The following TSTD2 variants were observed in gnomAD, a reference collection of about 807,000 sequenced individuals.
TSTD2 encodes thiosulfate sulfurtransferase/rhodanese-like domain-containing protein 2.
A neutral mutation model predicts 47.9 loss-of-function variants in TSTD2; 37 were observed. The observed-to-expected ratio is 0.77, with a 90% CI of 0.59 to 1.02. The LOEUF is 1.02. Among genes scored for constraint, TSTD2 ranks in the 50% least tolerant of loss-of-function variants. The pLI is 0.00. For synonymous variants in TSTD2, 201 were observed against 215.9 expected, an observed-to-expected ratio of 0.93 and a Z score of 0.61; for missense variants, 586 against 616.0, an observed-to-expected ratio of 0.95 and a Z score of 0.52.
chr9:97,615,128 C>T (rs964504103), intron 4 of TSTD2, among the ~76,000 whole-genome samples: 7 of 152,174 alleles, frequency 4.6e-5, no homozygotes, highest in Admixed American at 1.3e-4. Flanking sequence ...CACATCTGCT[C>T]CCTATATAGC....
chr9:97,601,642 T>A lies in TSTD2; in HGVS notation c.*827A>T. 2.1e-6 allele frequency: 2 copies of A among 938,122 alleles called. No homozygotes were observed. Among genetic ancestry groups the A allele is most frequent in the African/African-American group, 3.5e-5 (2 of 56,408 alleles). 58.1% of individuals were successfully genotyped at this position (938,122 alleles called of 1,614,324 possible). The stretch of plus-strand genomic sequence containing the variant: ...GCCAGACAGTAAAAATTTCCGATTT[T>A]GCAGGCCACATAGTGTCTGTTGCAA... On this transcript the variant is annotated 3_prime_UTR_variant, in exon 10 of 10. Transcript: ENST00000341170.
In TSTD2 at chr9:97,602,961, G is replaced by A. The variant is rs1237516429; in HGVS notation, c.1253-194C>T. On this transcript the variant is annotated intron_variant, in intron 9 of 9. Transcript: ENST00000341170. Reference sequence around the variant, plus strand: ...CCACCCAGCTTATTTTTTTGTGGGGGTGACTTCTGGTAACTGTCTGCTTCC... The same window carrying A: ...CCACCCAGCTTATTTTTTTGTGGGGATGACTTCTGGTAACTGTCTGCTTCC... 3.2e-5 allele frequency: 17 copies of A among 525,920 alleles called. No individual in the cohort carries two copies. The Admixed American group carries it at 6.8e-4, about 21-fold the overall frequency. 32.6% of individuals were successfully genotyped at this position (525,920 alleles called of 1,614,324 possible).
rs965998804 is a variant in TSTD2, at chr9:97,625,884, A to G, written c.279T>C (p.His93=). 1 of 1,614,064 alleles carries G rather than the reference A, an allele frequency of 6.2e-7. No individual in the cohort carries two copies. Among genetic ancestry groups the G allele is most frequent in the Non-Finnish European group, 8.5e-7 (1 of 1,180,006 alleles). ...RQLFTDQTSI[H]RHVATQHADE... is the part of the protein sequence containing the mutation. ...CAGCATGTTGTGTTGCCACATGTCT[A>G]TGGATGCTGGTTTGGTCTGTGAATA... Residue 93 remains histidine, a synonymous_variant, in exon 3 of 10, where the codon CAT becomes CAC. Coordinates refer to ENST00000341170, the MANE Select transcript of TSTD2 (RefSeq NM_139246.5).
chr9:97,626,846 C>T (rs1433328005), intron 2 of TSTD2, among the ~76,000 whole-genome samples: 1 of 152,154 alleles, frequency 6.6e-6, no homozygotes, highest in African/African-American at 2.4e-5. Context: ...TCCATAGCCT[C>T]ACTGAGTTCT....
chr9:97,631,896 A>G (rs1312657215), intron 1 of TSTD2, among the ~76,000 whole-genome samples: 1 of 151,958 alleles, frequency 6.6e-6, no homozygotes, highest in Non-Finnish European at 1.5e-5. Context: ...GATAATGTCC[A>G]AAGTCCTCAC....
chr9:97,603,007 TTC>T, intron 9 of TSTD2: 1 of 424,006 alleles, frequency 2.4e-6, no homozygotes, highest in Non-Finnish European at 4.3e-6. Context: ...GACTTTTTTT[TTC>T]TTTTTCCCAT....
At chr9:97,617,948 C>T in intron 3 of TSTD2, 71 bp from the exon 4 acceptor site, 2 of 1,554,508 alleles carry the variant, frequency 1.3e-6, no homozygotes, top group Non-Finnish European at 1.7e-6. Context: ...TCATAAAATA[C>T]ACCCAGGCAG....
At position 97,602,689 on chromosome 9, in the gene TSTD2, C is replaced by T; in HGVS notation, c.1331G>A (p.Cys444Tyr). 6.2e-7 allele frequency: 1 copy of T among 1,614,198 alleles called. No homozygotes were observed. Among genetic ancestry groups the T allele is most frequent in the Non-Finnish European group, 8.5e-7 (1 of 1,180,048 alleles). ...GAATCCTTGTCCTTGACAGGCAGGG[C>T]AGGTCAAAACGAGCTGGCGGCACTG... ...TPQCRQLVLT[C>Y]PACQGQGFTA... The change falls in exon 10 of 10, where the codon TGC (cysteine) becomes TAC (tyrosine). Residue 444 changes from cysteine (C) to tyrosine (Y), a missense_variant. By Grantham distance (194) the Cys-to-Tyr change is radical (BLOSUM62 -2). Coordinates refer to ENST00000341170, the MANE Select transcript of TSTD2 (RefSeq NM_139246.5).
intron 4 of TSTD2, 71 bp downstream of exon 4, chr9:97,617,686 C>A: frequency 6.5e-7 from 1 of 1,527,900 alleles, no homozygotes; most frequent in South Asian, 1.3e-5. Flanking sequence ...ATAATGAGCA[C>A]AGCATTTGCA....
rs1826570854 is a variant in TSTD2 at position 97,617,820 on chromosome 9, C to T, written c.540G>A (p.Glu180=). The T allele has an allele frequency of 6.2e-7, 1 of 1,614,136 alleles. No homozygotes were observed. The highest frequency in any genetic ancestry group is 1.3e-5 in the African/African-American group (1 of 75,046). The change falls in exon 4 of 10, where the codon GAG becomes GAA. Residue 180 remains glutamate (E), a synonymous_variant. Coordinates refer to ENST00000341170, the MANE Select transcript of TSTD2 (RefSeq NM_139246.5). ...VLLYYCYHDL[E]DPQWICAWQT... ...GCCAGGCACAGATCCATTGGGGATCCTCCAGGTCATGGTAGCAGTAATAAA... is the reference window on the plus strand; with the variant it reads ...GCCAGGCACAGATCCATTGGGGATCTTCCAGGTCATGGTAGCAGTAATAAA...
intron 6 of TSTD2, among the ~76,000 whole-genome samples, chr9:97,606,818 G>A (rs1303131319): frequency 2.0e-5 from 3 of 152,142 alleles, no homozygotes; most frequent in Non-Finnish European, 4.4e-5. Context: ...TAATGCAAAG[G>A]AGCAAGAAGA....
At chr9:97,618,589 A>G (rs1413833325) in intron 3 of TSTD2, among the ~76,000 whole-genome samples, 1 of 152,216 alleles carries the variant, frequency 6.6e-6, no homozygotes, top group East Asian at 1.9e-4. Flanking sequence ...CTCCTTAAGA[A>G]TCACAGCCAA....
Position 97,627,497 on chromosome 9 carries a change from G to C in TSTD2, c.66C>G (p.Asp22Glu). Reference sequence around the variant, plus strand: ...TAAGACTCATATCTTTTAAATCCAGGTCAGAAAATCTTAAAATGCAGTTCT... The same window carrying C: ...TAAGACTCATATCTTTTAAATCCAGCTCAGAAAATCTTAAAATGCAGTTCT... ...DLENCILRFS[D>E]LDLKDMSLIN... is the part of the protein sequence containing the mutation. The change falls in exon 2 of 10, where the codon GAC becomes GAG. Residue 22 changes from aspartate to glutamate, a missense_variant. Asp to Glu is a conservative substitution (Grantham distance 45). Transcript: ENST00000341170. 6.2e-7 allele frequency: 1 copy of C among 1,613,512 alleles called. No individual in the cohort carries two copies. Among genetic ancestry groups the C allele is most frequent in the Non-Finnish European group, 8.5e-7 (1 of 1,179,586 alleles).
chr9:97,630,155 A>G (rs1826785642), intron 1 of TSTD2, among the ~76,000 whole-genome samples: 1 of 151,988 alleles, frequency 6.6e-6, no homozygotes, highest in South Asian at 2.1e-4. Context: ...TATGCTCCCC[A>G]TTCCCCATCA....
At chr9:97,613,728 C>T (rs1330005870) in intron 4 of TSTD2, among the ~76,000 whole-genome samples, 1 of 152,046 alleles carries the variant, frequency 6.6e-6, no homozygotes, top group Non-Finnish European at 1.5e-5. Context: ...TCATATAACA[C>T]TGATATATAC....
Position 97,601,378 on chromosome 9 carries a change from A to T in TSTD2, c.*1091T>A. 9.3e-7 allele frequency: 1 copy of T among 1,071,388 alleles called. No homozygotes were observed. Among genetic ancestry groups the T allele is most frequent in the African/African-American group, 1.7e-5 (1 of 59,096 alleles). The allele number at this position is 1,071,388 out of a possible 1,614,324, so 66.4% of individuals were successfully genotyped here. A position where few individuals can be genotyped will look rare whatever the true frequency, so the allele number is the denominator to read the frequency against. On this transcript the variant is annotated 3_prime_UTR_variant, in exon 10 of 10. Transcript: ENST00000341170. ...TCAGTAAGAATGTGTCATGTATTCC[A>T]GGTGCTGATCTAAAAACTGTGGCTC...
chr9:97,612,613 T>C (rs780422268), intron 4 of TSTD2, among the ~76,000 whole-genome samples: 3 of 152,244 alleles, frequency 2.0e-5, no homozygotes, highest in African/African-American at 4.8e-5. Flanking sequence ...TGGAGTGCAA[T>C]AGCACAATCT....
chr9:97,631,988 T>A (rs1009847495), intron 1 of TSTD2, among the ~76,000 whole-genome samples: 1 of 152,232 alleles, frequency 6.6e-6, no homozygotes, highest in African/African-American at 2.4e-5. Flanking sequence ...TTTGTGGGTA[T>A]TCCTGAATGG....
chr9:97,606,020 G>A (rs1826359992), intron 7 of TSTD2, 123 bp downstream of exon 7: 3 of 779,262 alleles, frequency 3.8e-6, no homozygotes, highest in East Asian at 2.5e-5. Context: ...GAAGCTGCCA[G>A]TACTGGGAGG....
Sources: allele counts gnomAD v4.1 joint callset (sites outside exome capture counted in the v4.1 genomes callset), GRCh38; gene constraint gnomAD v4.1.1; transcripts MANE v1.5; gene names NCBI Gene and HGNC (gene_info 2026-07-23, HGNC 2026-07-21).